ROR1: variants seen among roughly 807,000 people sequenced by gnomAD.
ROR1 encodes ROR family WNT receptor 1.
In ROR1, 19 loss-of-function variants were observed where a neutral mutation model predicts 78.8. That is an observed-to-expected ratio of 0.24 (90% CI 0.17 to 0.35). The LOEUF (loss-of-function observed/expected upper bound fraction) is 0.35. Among genes scored for constraint, ROR1 ranks in the 10% least tolerant of loss-of-function variants. The probability of loss-of-function intolerance (pLI) is 1.00; values close to 1 mark genes in which losing one functional copy is unlikely to be tolerated. For synonymous variants in ROR1, 386 were observed against 433.6 expected, an observed-to-expected ratio of 0.89 and a Z score of 1.36; for missense variants, 917 against 1,177.8, an observed-to-expected ratio of 0.78 and a Z score of 3.24.
At chr1:64,118,461 TAC>T (rs551498662) in intron 4 of ROR1, among the ~76,000 whole-genome samples, 28 of 151,700 alleles carry the variant, frequency 1.8e-4, no homozygotes, top group African/African-American at 6.8e-4. Context: ...ACCCCATCTC[TAC>T]TAAAAATACA....
chr1:63,961,987 A>C (rs529284096), intron 1 of ROR1, among the ~76,000 whole-genome samples: 1 of 152,310 alleles, frequency 6.6e-6, no homozygotes, highest in East Asian at 1.9e-4. Flanking sequence ...TGTCATTTAA[A>C]AATTTAAAAA....
At chr1:63,808,415 A>G (rs535989286) in intron 1 of ROR1, among the ~76,000 whole-genome samples, 1 of 152,324 alleles carries the variant, frequency 6.6e-6, no homozygotes, top group South Asian at 2.1e-4. Context: ...TTTTATTTGT[A>G]AAGTAACATT....
chr1:63,875,704 T>C (rs1645280658), intron 1 of ROR1, among the ~76,000 whole-genome samples: 1 of 152,172 alleles, frequency 6.6e-6, no homozygotes, highest in African/African-American at 2.4e-5. Context: ...GGTGGTGTAT[T>C]GATTGGTTGT....
intron 8 of ROR1, among the ~76,000 whole-genome samples, chr1:64,162,945 G>A (rs1649985379): frequency 6.6e-6 from 1 of 152,074 alleles, no homozygotes; most frequent in African/African-American, 2.4e-5. Context: ...AGCTTGCTTG[G>A]GTAAGGGAGA....
chr1:64,128,710 A>G (rs1289670073), intron 4 of ROR1, among the ~76,000 whole-genome samples: 1 of 152,214 alleles, frequency 6.6e-6, no homozygotes, highest in Non-Finnish European at 1.5e-5. Flanking sequence ...AGTCCCATGA[A>G]GTTTGTTTAT....
intron 4 of ROR1, among the ~76,000 whole-genome samples, chr1:64,131,829 G>A (rs12732339): frequency 0.2 from 31,068 of 151,846 alleles, 3,960 homozygotes; most frequent in African/African-American, 0.36. Context: ...TATGTTGTCC[G>A]GGCTGGTCTT....
intron 1 of ROR1, among the ~76,000 whole-genome samples, chr1:63,921,262 G>T (rs191219119): frequency 1.1e-3 from 161 of 152,182 alleles, no homozygotes; most frequent in African/African-American, 3.8e-3. Context: ...CGTTTGGATC[G>T]CCTGGGAATC....
chr1:64,027,453 C>CA (rs1385760372), intron 2 of ROR1, among the ~76,000 whole-genome samples: 2 of 152,158 alleles, frequency 1.3e-5, no homozygotes, highest in Non-Finnish European at 2.9e-5. Context: ...TAATCAATGG[C>CA]AATTAACTAA....
At chr1:64,000,563 C>G (rs1646374512) in intron 1 of ROR1, among the ~76,000 whole-genome samples, 1 of 152,260 alleles carries the variant, frequency 6.6e-6, no homozygotes, top group African/African-American at 2.4e-5. Flanking sequence ...GATCCTGCCT[C>G]CTTAGTAACT....
chr1:63,839,114 G>A (rs113599244), intron 1 of ROR1, among the ~76,000 whole-genome samples: 163 of 152,270 alleles, frequency 1.1e-3, no homozygotes, highest in African/African-American at 3.7e-3. Context: ...GTTAAGTGAC[G>A]CATGGCTGTA....
intron 8 of ROR1, among the ~76,000 whole-genome samples, chr1:64,176,514 A>G (rs1373490206): frequency 2.0e-5 from 3 of 152,084 alleles, no homozygotes; most frequent in South Asian, 2.1e-4. Flanking sequence ...TAAATGTTGT[A>G]TCTGGGGTCA....
intron 1 of ROR1, among the ~76,000 whole-genome samples, chr1:63,885,160 C>A (rs143433671): frequency 6.3e-4 from 96 of 152,132 alleles, no homozygotes; most frequent in Admixed American, 5.2e-3. Flanking sequence ...ATTTCAAGAG[C>A]TGTATTTGAA....
intron 1 of ROR1, among the ~76,000 whole-genome samples, chr1:63,987,940 A>AGTT (rs1484769000): frequency 7.9e-5 from 12 of 152,146 alleles, no homozygotes; most frequent in African/African-American, 2.9e-4. Context: ...TCCTTATTCT[A>AGTT]AGAAGATTTG....
At chr1:64,028,979 T>C (rs1646638507) in intron 2 of ROR1, 1 of 152,206 alleles carries the variant, frequency 6.6e-6, no homozygotes, top group Admixed American at 6.5e-5. Context: ...GATTTTAGTA[T>C]ATGTGCTGCC....
chr1:63,968,992 C>A (rs1278917686), intron 1 of ROR1, among the ~76,000 whole-genome samples: 1 of 152,178 alleles, frequency 6.6e-6, no homozygotes, highest in African/African-American at 2.4e-5. Flanking sequence ...ATTAATGCAG[C>A]AAACCCTCAG....
chr1:63,862,847 G>A (rs1182899849), intron 1 of ROR1, among the ~76,000 whole-genome samples: 4 of 152,186 alleles, frequency 2.6e-5, no homozygotes, highest in Non-Finnish European at 5.9e-5. Context: ...TGAGGATTAA[G>A]TGATAATGTA....
chr1:63,788,865 T>G (rs1337452781), intron 1 of ROR1: 49 of 795,084 alleles, frequency 6.2e-5, no homozygotes, highest in Non-Finnish European at 4.3e-6. Flanking sequence ...GAGCCTTATC[T>G]GCCTTCAGCT....
intron 4 of ROR1, chr1:64,111,254 G>A (rs143333161): frequency 6.6e-6 from 1 of 152,290 alleles, no homozygotes; most frequent in African/African-American, 2.4e-5. Context: ...AGGATTTGAG[G>A]ATGCTTCCAT....
At chr1:64,064,514 A>G (rs1646941518) in intron 4 of ROR1, among the ~76,000 whole-genome samples, 1 of 152,222 alleles carries the variant, frequency 6.6e-6, no homozygotes, top group Admixed American at 6.5e-5. Context: ...CCCAAGCAGG[A>G]AACGGGCAAG....
Sources: allele counts gnomAD v4.1 joint callset (sites outside exome capture counted in the v4.1 genomes callset), GRCh38; gene constraint gnomAD v4.1.1; transcripts MANE v1.5; gene names NCBI Gene and HGNC (gene_info 2026-07-23, HGNC 2026-07-21).